RALYL: variants seen among roughly 807,000 people sequenced by gnomAD.
RALYL encodes RALY RNA binding protein like, also known as RNA-binding Raly-like protein.
RALYL carries 29 observed loss-of-function variants against 35.1 expected under a neutral mutation model. That is an observed-to-expected ratio of 0.83 (90% confidence interval 0.61 to 1.13). The LOEUF (loss-of-function observed/expected upper bound fraction) is 1.13, where lower values mean the gene tolerates loss of function less well. Ranked by LOEUF, RALYL falls within the 50% of genes most tolerant of loss-of-function variation. The pLI, the probability that RALYL is intolerant of heterozygous loss-of-function variation, is 0.00. For synonymous variants in RALYL, 120 were observed against 127.6 expected (o/e 0.94, Z 0.40); for missense variants, 359 against 360.4 (o/e 1.00, Z 0.03).
chr8:84,905,049 C>T (rs1388092414), intron 8 of RALYL, among the ~76,000 whole-genome samples: 1 of 152,082 alleles, frequency 6.6e-6, no homozygotes, highest in Non-Finnish European at 1.5e-5. Context: ...AGAATTTATT[C>T]ATCTTGCTTA....
At chr8:84,351,186 CTT>C (rs1335124475) in intron 1 of RALYL, among the ~76,000 whole-genome samples, 1 of 149,770 alleles carries the variant, frequency 6.7e-6, no homozygotes, top group Non-Finnish European at 1.5e-5. Flanking sequence ...TAAATAATAA[CTT>C]AATGTCATCT....
intron 1 of RALYL, among the ~76,000 whole-genome samples, chr8:84,288,160 GT>G (rs113037990): frequency 3.3e-5 from 5 of 150,750 alleles, no homozygotes; most frequent in Admixed American, 2.0e-4. Context: ...TGGTTCTCCT[GT>G]TTTTTTTTGT....
At chr8:84,611,768 A>G (rs902347832) in intron 2 of RALYL, among the ~76,000 whole-genome samples, 1 of 152,048 alleles carries the variant, frequency 6.6e-6, no homozygotes, top group Non-Finnish European at 1.5e-5. Context: ...CTACTTTCTC[A>G]TTATCATTGT....
At chr8:84,690,089 A>G (rs1204703900) in intron 2 of RALYL, among the ~76,000 whole-genome samples, 1 of 152,138 alleles carries the variant, frequency 6.6e-6, no homozygotes, top group African/African-American at 2.4e-5. Flanking sequence ...TGTTCATTGC[A>G]GCATTATTCA....
chr8:84,526,951 G>C (rs1295812419), intron 1 of RALYL, among the ~76,000 whole-genome samples: 1 of 152,052 alleles, frequency 6.6e-6, no homozygotes, highest in East Asian at 1.9e-4. Context: ...GAGTCAGGAG[G>C]GTTAATTTAG....
intron 4 of RALYL, among the ~76,000 whole-genome samples, chr8:84,814,204 G>A (rs1826612630): frequency 1.3e-5 from 2 of 152,106 alleles, no homozygotes; most frequent in Non-Finnish European, 2.9e-5. Flanking sequence ...AATTCTGGAA[G>A]GTATATTTAT....
At position 84,860,433 on chromosome 8, in the gene RALYL, T is replaced by C. The variant is rs207469483; in HGVS notation, c.414-1863T>C. On this transcript the variant is annotated intron_variant, in intron 5 of 8. Transcript: ENST00000521268. Reference sequence around the variant, plus strand: ...TTTCACTCAATAGTTTTGGGTGTTATAGCTCATGCAAAGTGCCTTTGTATT... The same window carrying C: ...TTTCACTCAATAGTTTTGGGTGTTACAGCTCATGCAAAGTGCCTTTGTATT... Among the ~76,000 whole-genome samples the C allele has an allele frequency of 4.6e-5, 7 of 152,336 alleles. 2 individuals carry two copies. Among genetic ancestry groups the C allele is most frequent in the African/African-American group, 1.7e-4 (7 of 41,580 alleles).
At chr8:84,485,225 T>C (rs894976827) in intron 1 of RALYL, among the ~76,000 whole-genome samples, 5 of 152,138 alleles carry the variant, frequency 3.3e-5, no homozygotes, top group Admixed American at 2.6e-4. Flanking sequence ...AACTCATATA[T>C]TAAACTAGCT....
intron 1 of RALYL, among the ~76,000 whole-genome samples, chr8:84,408,163 A>G (rs755997854): frequency 6.6e-6 from 1 of 152,162 alleles, no homozygotes; most frequent in African/African-American, 2.4e-5. Flanking sequence ...TGTCATCCAC[A>G]TGGGATTAAA....
At chr8:84,649,803 T>C (rs1828326663) in intron 2 of RALYL, among the ~76,000 whole-genome samples, 1 of 152,138 alleles carries the variant, frequency 6.6e-6, no homozygotes. Flanking sequence ...AGTAGTTTTT[T>C]CCAATTCTGT....
At chr8:84,190,071 C>T (rs1214343159) in intron 1 of RALYL, among the ~76,000 whole-genome samples, 1 of 152,194 alleles carries the variant, frequency 6.6e-6, no homozygotes, top group African/African-American at 2.4e-5. Context: ...ACACATTCAG[C>T]ATTTACTTAC....
intron 2 of RALYL, chr8:84,679,792 A>G: frequency 2.0e-6 from 1 of 496,038 alleles, no homozygotes; most frequent in Non-Finnish European, 4.0e-6. Context: ...GAAATTGGAT[A>G]GAAAGATTGA....
intron 2 of RALYL, among the ~76,000 whole-genome samples, chr8:84,705,475 C>T (rs1239210378): frequency 1.3e-5 from 2 of 152,052 alleles, no homozygotes; most frequent in Non-Finnish European, 2.9e-5. Flanking sequence ...GAAGTATAGA[C>T]TGGGGAAATA....
In RALYL at chr8:84,821,255, C is replaced by A. The variant is rs569505761; in HGVS notation, c.365+16453C>A. ...GTTCTTCAATGAATCTTTACTGATT[C>A]TCATAAAGACAAAATAGATATCATC... On this transcript the variant is annotated intron_variant, in intron 4 of 8. Transcript: ENST00000521268. Among the ~76,000 whole-genome samples the A allele has an allele frequency of 3.2e-3, 492 of 152,160 alleles. 6 individuals carry two copies. The highest frequency in any genetic ancestry group is 0.011 in the African/African-American group (473 of 41,534).
intron 8 of RALYL, chr8:84,907,075 TTGATATTTTC>T (rs992906292): frequency 1.7e-6 from 1 of 586,794 alleles, no homozygotes; most frequent in African/African-American, 2.0e-5. Flanking sequence ...TTATGCATAT[TTGATATTTTC>T]TGCCTTGCCA....
intron 7 of RALYL, among the ~76,000 whole-genome samples, chr8:84,886,718 C>G (rs781296992): frequency 1.3e-5 from 2 of 152,166 alleles, no homozygotes; most frequent in Non-Finnish European, 2.9e-5. Context: ...AGCACAATTT[C>G]CATTTGAGCA....
At chr8:84,804,310 G>A (rs1257605764) in intron 3 of RALYL, among the ~76,000 whole-genome samples, 1 of 152,130 alleles carries the variant, frequency 6.6e-6, no homozygotes, top group Non-Finnish European at 1.5e-5. Flanking sequence ...GGGGTGTTAA[G>A]ACCAATAAAT....
intron 2 of RALYL, among the ~76,000 whole-genome samples, chr8:84,588,371 C>A (rs182826840): frequency 6.6e-6 from 1 of 152,138 alleles, no homozygotes; most frequent in South Asian, 2.1e-4. Context: ...GAGGGCCTAC[C>A]TAATAAGGCA....
Position 84,784,986 on chromosome 8 carries a change from C to T in RALYL, c.332+10332C>T, listed in dbSNP as rs150521532. ...ACAATACTTAGGGATCTTCTTCCAACTCTGAGAGTTGACATCTATTTTGCT... is the reference window on the plus strand; with the variant it reads ...ACAATACTTAGGGATCTTCTTCCAATTCTGAGAGTTGACATCTATTTTGCT... On this transcript the variant is annotated intron_variant, in intron 3 of 8. Transcript: ENST00000521268. Among the ~76,000 whole-genome samples the T allele has an allele frequency of 4.2e-3, 639 of 152,214 alleles. 7 individuals carry two copies. The highest frequency in any genetic ancestry group is 0.014 in the African/African-American group (574 of 41,522).
Sources: gnomAD v4.1 joint callset for allele counts (sites outside exome capture counted in the v4.1 genomes callset) on GRCh38, gnomAD v4.1.1 for gene constraint, MANE v1.5 for transcripts, NCBI Gene and HGNC (gene_info 2026-07-23, HGNC 2026-07-21) for gene names.